The following SCARB2 variants were observed in gnomAD, a reference collection of about 807,000 sequenced individuals.
SCARB2 encodes lysosome membrane protein 2.
A neutral mutation model predicts 58.6 loss-of-function variants in SCARB2; 29 were observed. That is an observed-to-expected ratio of 0.49 (90% CI 0.37 to 0.67). The LOEUF (loss-of-function observed/expected upper bound fraction) is 0.67, where lower values mean the gene tolerates loss of function less well. SCARB2 is among the 30% of genes least tolerant of loss of function. The pLI is 0.00. For synonymous variants in SCARB2, 195 were observed against 210.1 expected, an observed-to-expected ratio of 0.93 and a Z score of 0.62; for missense variants, 488 against 578.5, an observed-to-expected ratio of 0.84 and a Z score of 1.60.
chr4:76,198,728 G>A (rs1732764689), intron 1 of SCARB2, among the ~76,000 whole-genome samples: 1 of 152,122 alleles, frequency 6.6e-6, no homozygotes, highest in South Asian at 2.1e-4. Flanking sequence ...CCTCAAGAGT[G>A]GTGGCTTTTC....
chr4:76,204,047 A>C (rs781534897), intron 1 of SCARB2, among the ~76,000 whole-genome samples: 2 of 152,232 alleles, frequency 1.3e-5, no homozygotes, highest in African/African-American at 4.8e-5. Flanking sequence ...TCCAGAGATA[A>C]TGCAGACCAA....
chr4:76,180,897 C>T lies in SCARB2; in HGVS notation c.423+57G>A, dbSNP rs573529207. The T allele has an allele frequency of 3.2e-5, 48 of 1,484,786 alleles. No individual in the cohort carries two copies. The African/African-American group carries it at 5.7e-4, about 18-fold the overall frequency. The allele number at this position is 1,484,786 out of a possible 1,614,324, so 92.0% of individuals were successfully genotyped here. A position where few individuals can be genotyped will look rare whatever the true frequency, so the allele number is the denominator to read the frequency against. On this transcript the variant is annotated intron_variant, in intron 3 of 11. Coordinates refer to ENST00000264896, the MANE Select transcript of SCARB2 (RefSeq NM_005506.4). Reference sequence around the variant, plus strand: ...AATGTAAAATCATAAAGAGCATTAACTTAGCTTTTTCCTTTCTTCCAAAAT... The same window carrying T: ...AATGTAAAATCATAAAGAGCATTAATTTAGCTTTTTCCTTTCTTCCAAAAT...
At chr4:76,177,368 G>A (rs1299362616) in intron 4 of SCARB2, among the ~76,000 whole-genome samples, 4 of 151,726 alleles carry the variant, frequency 2.6e-5, no homozygotes, top group East Asian at 1.9e-4. Flanking sequence ...AATAGTAAGC[G>A]TTGGTGAGGA....
chr4:76,223,513 T>C (rs940448171), intron 1 of SCARB2, among the ~76,000 whole-genome samples: 7 of 152,150 alleles, frequency 4.6e-5, no homozygotes, highest in African/African-American at 1.7e-4. Context: ...ATCACAGTTG[T>C]CTTTATTATC....
Position 76,176,504 on chromosome 4 carries a change from A to T in SCARB2, c.637T>A (p.Tyr213Asn). 6.2e-7 allele frequency: 1 copy of T among 1,611,134 alleles called. No individual in the cohort carries two copies. The highest frequency in any genetic ancestry group is 1.1e-5 in the South Asian group (1 of 90,844). Reference protein sequence around the residue: ...YEKNGTNDGDYVFLTGEDSYL... With the variant: ...YEKNGTNDGDNVFLTGEDSYL... ...CTGTCTTCTCCAGTTAGAAAAACAT[A>T]GTCTCCATCATTAGTCCCATTTTTC... The change falls in exon 5 of 12, where the codon TAT (tyrosine) becomes AAT (asparagine). Residue 213 changes from tyrosine to asparagine, a missense_variant. By Grantham distance (143) the Tyr-to-Asn change is moderately radical. Transcript: ENST00000264896.
intron 5 of SCARB2, 129 bp downstream of exon 5, chr4:76,176,308 A>C: frequency 1.5e-6 from 1 of 654,800 alleles, no homozygotes; most frequent in Non-Finnish European, 2.7e-6. Flanking sequence ...AATAATTACA[A>C]GACTATTTAC....
chr4:76,202,762 T>C (rs1300316094), intron 1 of SCARB2, among the ~76,000 whole-genome samples: 2 of 152,230 alleles, frequency 1.3e-5, no homozygotes, highest in Non-Finnish European at 2.9e-5. Flanking sequence ...AAAATTGAGA[T>C]CATATGTATT....
intron 1 of SCARB2, among the ~76,000 whole-genome samples, chr4:76,225,707 T>C (rs555959125): frequency 2.2e-4 from 33 of 152,378 alleles, no homozygotes; most frequent in African/African-American, 7.9e-4. Context: ...TTGCGTAAGT[T>C]AAACCACCCC....
At chr4:76,207,020 A>T (rs1453823977) in intron 1 of SCARB2, among the ~76,000 whole-genome samples, 4 of 152,212 alleles carry the variant, frequency 2.6e-5, no homozygotes, top group South Asian at 2.1e-4. Flanking sequence ...ATGTATTTTT[A>T]AAAATATTCT....
chr4:76,210,251 G>T lies in SCARB2; in HGVS notation c.117+3176C>A, dbSNP rs141392617. On this transcript the variant is annotated intron_variant, in intron 1 of 11. Coordinates refer to ENST00000264896, the MANE Select transcript of SCARB2 (RefSeq NM_005506.4). ...CCTATTTTCAAAATGAGGATCCTTA[G>T]GATTTGAGGGATTAAATAACTTGCC... 1.5e-3 allele frequency among the ~76,000 whole-genome samples: 230 copies of T among 152,242 alleles called. 9 individuals are homozygous for T. The East Asian group carries it at 0.038, about 25-fold the overall frequency.
In SCARB2 at chr4:76,161,624, A is replaced by G. The variant is rs1455799358; in HGVS notation, c.*89T>C. ...GTCTTTTTCCTTCTTTCAACAGGCAACAAGCCTGCAAGGAGGTGGAGGGTT... is the reference window on the plus strand; with the variant it reads ...GTCTTTTTCCTTCTTTCAACAGGCAGCAAGCCTGCAAGGAGGTGGAGGGTT... On this transcript the variant is annotated 3_prime_UTR_variant, in exon 12 of 12. Coordinates refer to ENST00000264896, the MANE Select transcript of SCARB2 (RefSeq NM_005506.4). 28 of 1,381,552 alleles carry G rather than the reference A, an allele frequency of 2.0e-5. No individual in the cohort carries two copies. Among genetic ancestry groups the G allele is most frequent in the Non-Finnish European group, 2.6e-5 (25 of 968,270 alleles). 85.6% of individuals were successfully genotyped at this position (1,381,552 alleles called of 1,614,324 possible).
intron 2 of SCARB2, among the ~76,000 whole-genome samples, chr4:76,187,798 T>TA (rs1732519537): frequency 6.6e-6 from 1 of 152,080 alleles, no homozygotes; most frequent in Non-Finnish European, 1.5e-5. Context: ...CTTTAGTGAT[T>TA]ATATATATGG....
At chr4:76,231,549 A>G (rs1009592850) in intron 1 of SCARB2, among the ~76,000 whole-genome samples, 1 of 151,050 alleles carries the variant, frequency 6.6e-6, no homozygotes, top group African/African-American at 2.4e-5. Flanking sequence ...CAAACAAATC[A>G]TGACAGGACT....
rs141250135 is a variant in SCARB2, at chr4:76,163,295, A to G, written c.1328T>C (p.Met443Thr). 2.3e-5 allele frequency: 37 copies of G among 1,614,064 alleles called. No individual in the cohort carries two copies. The African/African-American group carries it at 4.0e-4, about 17-fold the overall frequency. ...CAAACCAAAGAACACACCCAGCGCC[A>G]TGATGATGTAGGGTATGTTGGTGAT... is the stretch of plus-strand genomic sequence containing the variant. ...LIITNIPYIIMALGVFFGLVF... is the reference protein window; with the variant it reads ...LIITNIPYIITALGVFFGLVF... Residue 443 changes from methionine to threonine, a missense_variant, in exon 11 of 12, where the codon ATG becomes ACG. Coordinates refer to ENST00000264896, the MANE Select transcript of SCARB2 (RefSeq NM_005506.4).
rs566295926 is a variant in SCARB2, at chr4:76,193,534, C to T, written c.275+2173G>A. The T allele has an allele frequency of 3.9e-5, 6 of 152,370 alleles. No homozygotes were observed. The South Asian group carries it at 1.2e-3, about 32-fold the overall frequency. The allele number at this position is 152,370 out of a possible 1,614,324, so 9.4% of individuals were successfully genotyped here. A position where few individuals can be genotyped will look rare whatever the true frequency, so the allele number is the denominator to read the frequency against. On this transcript the variant is annotated intron_variant, in intron 2 of 11. Coordinates refer to ENST00000264896, the MANE Select transcript of SCARB2 (RefSeq NM_005506.4). ...TGCCTAAGGCCTTGGGAGCCCACCCCTTGCACCAGTGTGCTCTGGATGTGA... is the reference window on the plus strand; with the variant it reads ...TGCCTAAGGCCTTGGGAGCCCACCCTTTGCACCAGTGTGCTCTGGATGTGA...
intron 7 of SCARB2, 147 bp downstream of exon 7, chr4:76,173,997 C>T: frequency 2.1e-6 from 2 of 961,732 alleles, no homozygotes; most frequent in Non-Finnish European, 3.3e-6. Flanking sequence ...TTGAGAACTC[C>T]TGGGCTCAAG....
intron 10 of SCARB2, 80 bp downstream of exon 10, chr4:76,166,170 T>C: frequency 8.9e-6 from 12 of 1,353,988 alleles, no homozygotes; most frequent in Non-Finnish European, 1.3e-5. Context: ...ATAACTTACA[T>C]GTAACTACAA....
At chr4:76,200,010 G>T (rs1305120778) in intron 1 of SCARB2, among the ~76,000 whole-genome samples, 2 of 152,198 alleles carry the variant, frequency 1.3e-5, no homozygotes, top group Admixed American at 6.5e-5. Flanking sequence ...GCAAAGGAAG[G>T]CCTGAGAAAC....
rs1731903353 is a variant in SCARB2, at chr4:76,161,760, CAGAAGAG to C, written c.1399-16_1399-10del. ...CTTTCATCCGCTGTTCCCTGAAACA[CAGAAGAG>C]AGAAAACAAGTTAGATGTTCATGTC... On this transcript the variant is annotated splice_polypyrimidine_tract_variant and intron_variant, in intron 11 of 11. Coordinates refer to ENST00000264896, the MANE Select transcript of SCARB2 (RefSeq NM_005506.4). The C allele has an allele frequency of 1.9e-6, 3 of 1,614,076 alleles. No individual in the cohort carries two copies. The East Asian group carries it at 6.7e-5, about 36-fold the overall frequency.
Sources: allele counts gnomAD v4.1 joint callset (sites outside exome capture counted in the v4.1 genomes callset), GRCh38; gene constraint gnomAD v4.1.1; transcripts MANE v1.5; gene names NCBI Gene and HGNC (gene_info 2026-07-23, HGNC 2026-07-21).